The following CSMD1 variants were observed in gnomAD, a reference collection of about 807,000 sequenced individuals.
The protein encoded by CSMD1 is CUB and Sushi multiple domains 1, also known as CUB and sushi domain-containing protein 1.
A neutral mutation model predicts 417.5 loss-of-function variants in CSMD1; 213 were observed. The observed-to-expected ratio is 0.51, with a 90% CI of 0.46 to 0.57. The LOEUF is 0.57. CSMD1 is among the 20% of genes least tolerant of loss of function. The probability of loss-of-function intolerance (pLI) is 0.00; values close to 1 mark genes in which losing one functional copy is unlikely to be tolerated. For synonymous variants in CSMD1, 2,862 were observed against 1,736.8 expected, an observed-to-expected ratio of 1.65 and a Z score of -16.11; for missense variants, 6,923 against 4,529.7, an observed-to-expected ratio of 1.53 and a Z score of -15.17.
At chr8:3,674,189 G>C (rs189049640) in intron 7 of CSMD1, among the ~76,000 whole-genome samples, 7 of 152,226 alleles carry the variant, frequency 4.6e-5, no homozygotes, top group East Asian at 3.9e-4. Context: ...GAAAATACAA[G>C]ACCCTGAGTT....
In CSMD1 at chr8:3,813,030, G is replaced by A. The variant is rs11784789; in HGVS notation, c.819-58988C>T. On this transcript the variant is annotated intron_variant, in intron 5 of 69. Coordinates refer to ENST00000635120, the MANE Select transcript of CSMD1 (RefSeq NM_033225.6). Reference sequence around the variant, plus strand: ...GATTACTTAATGGTATATTGTGACAGCATTTAAAAATTGAGTGTTGTATAA... The same window carrying A: ...GATTACTTAATGGTATATTGTGACAACATTTAAAAATTGAGTGTTGTATAA... Among the ~76,000 whole-genome samples the A allele has an allele frequency of 6.4e-3, 964 of 151,240 alleles. 10 individuals are homozygous for A. Among genetic ancestry groups the A allele is most frequent in the South Asian group, 0.035 (166 of 4,782 alleles).
intron 3 of CSMD1, among the ~76,000 whole-genome samples, chr8:4,178,155 G>C (rs144433822): frequency 1.1e-4 from 17 of 152,236 alleles, no homozygotes; most frequent in Middle Eastern, 3.4e-3. Context: ...CAATATCCTT[G>C]ATGCAGATTG....
Position 3,944,520 on chromosome 8 carries a change from T to A in CSMD1, c.818+53383A>T, listed in dbSNP as rs557751277. Among the ~76,000 whole-genome samples the A allele has an allele frequency of 3.3e-5, 5 of 152,244 alleles. No homozygotes were observed. In the South Asian group the frequency reaches 1.0e-3, roughly 32 times the overall value. On this transcript the variant is annotated intron_variant, in intron 5 of 69. Coordinates refer to ENST00000635120, the MANE Select transcript of CSMD1 (RefSeq NM_033225.6). ...TTTAACCTTTAGATTAGGCAGAGTT[T>A]GAGTTTTAATTACCACACATATATT... is the stretch of plus-strand genomic sequence containing the variant.
intron 2 of CSMD1, among the ~76,000 whole-genome samples, chr8:4,557,585 T>A (rs1798151135): frequency 8.1e-6 from 1 of 123,158 alleles, no homozygotes; most frequent in South Asian, 2.2e-4. Context: ...ATACTTAAAA[T>A]GTGTGTGTGT....
In CSMD1 at chr8:3,162,276, A is replaced by G. The variant is rs1487184989; in HGVS notation, c.5727T>C (p.Thr1909=). Reference sequence around the variant, plus strand: ...GTTCTTGGCATGCAGCAAGACCTACAGCTAGAAATGCAAAGACAAATGCTA... The same window carrying G: ...GTTCTTGGCATGCAGCAAGACCTACGGCTAGAAATGCAAAGACAAATGCTA... ...AAAGFHLEYK[T]VGLAACQEPA... is the part of the protein sequence containing the mutation. Residue 1909 remains threonine (T), a splice_region_variant and synonymous_variant, in exon 38 of 70, where the codon ACT becomes ACC. Coordinates refer to ENST00000635120, the MANE Select transcript of CSMD1 (RefSeq NM_033225.6). 2 of 1,591,308 alleles carry G rather than the reference A, an allele frequency of 1.3e-6. No homozygotes were observed. The highest frequency in any genetic ancestry group is 1.7e-6 in the Non-Finnish European group (2 of 1,163,802).
chr8:3,841,151 C>A (rs985066170), intron 5 of CSMD1, among the ~76,000 whole-genome samples: 3 of 151,928 alleles, frequency 2.0e-5, no homozygotes, highest in South Asian at 4.2e-4. Context: ...GGGTACTCAT[C>A]GATAAAATGG....
intron 3 of CSMD1, among the ~76,000 whole-genome samples, chr8:4,286,801 G>C (rs1797081855): frequency 6.6e-6 from 1 of 152,138 alleles, no homozygotes; most frequent in Admixed American, 6.6e-5. Context: ...ATGTTTCCTA[G>C]AAAACCAAAA....
intron 2 of CSMD1, among the ~76,000 whole-genome samples, chr8:4,467,477 C>T (rs1232266255): frequency 6.6e-6 from 1 of 152,204 alleles, no homozygotes; most frequent in Non-Finnish European, 1.5e-5. Context: ...TTGTGCCACC[C>T]ATGAGTGGCC....
At chr8:4,248,873 C>T (rs561137643) in intron 3 of CSMD1, among the ~76,000 whole-genome samples, 3 of 150,922 alleles carry the variant, frequency 2.0e-5, no homozygotes, top group East Asian at 4.2e-4. Context: ...AGTCACTCAA[C>T]AGTTTTCTGT....
intron 2 of CSMD1, among the ~76,000 whole-genome samples, chr8:4,488,703 G>A (rs1262580593): frequency 1.3e-5 from 2 of 151,876 alleles, no homozygotes; most frequent in African/African-American, 2.4e-5. Flanking sequence ...TGAAAAGTGT[G>A]GATATGTGGC....
chr8:3,503,495 G>A (rs1563100745), intron 10 of CSMD1, among the ~76,000 whole-genome samples: 1 of 152,244 alleles, frequency 6.6e-6, no homozygotes, highest in Non-Finnish European at 1.5e-5. Context: ...CAGCTGGCAG[G>A]AAGCCAAGAA....
At chr8:3,091,821 A>T (rs2129008487) in intron 47 of CSMD1, among the ~76,000 whole-genome samples, 159 bp from the exon 48 acceptor site, 1 of 152,340 alleles carries the variant, frequency 6.6e-6, no homozygotes, top group East Asian at 1.9e-4. Context: ...ATAGTGACAG[A>T]TATATTTTCT....
Position 3,597,544 on chromosome 8 carries a change from A to C in CSMD1, c.1098-11284T>G, listed in dbSNP as rs542682402. Among the ~76,000 whole-genome samples, 8 of 152,312 alleles carry C rather than the reference A, an allele frequency of 5.3e-5. No individual in the cohort carries two copies. The South Asian group carries it at 1.7e-3, about 32-fold the overall frequency. The stretch of plus-strand genomic sequence containing the variant: ...CCACATGTTTTTCTCACCACAATGC[A>C]AGGTACTGAGGCCAAGAATTGTCAT... On this transcript the variant is annotated intron_variant, in intron 8 of 69. Transcript: ENST00000635120.
intron 4 of CSMD1, among the ~76,000 whole-genome samples, chr8:4,007,011 T>C (rs1816178646): frequency 1.3e-5 from 2 of 151,770 alleles, no homozygotes; most frequent in Admixed American, 6.6e-5. Flanking sequence ...TGTGTATGTG[T>C]GTATTTTTAG....
intron 54 of CSMD1, among the ~76,000 whole-genome samples, chr8:2,982,276 A>T (rs900949762): frequency 6.6e-6 from 1 of 152,156 alleles, no homozygotes; most frequent in African/African-American, 2.4e-5. Context: ...GAATTGCTTG[A>T]ACCCAGGATG....
chr8:4,324,658 G>C (rs956119553), intron 3 of CSMD1, among the ~76,000 whole-genome samples: 1 of 152,182 alleles, frequency 6.6e-6, no homozygotes, highest in Non-Finnish European at 1.5e-5. Flanking sequence ...ACTGCTCCTG[G>C]AAGATCCAGC....
intron 2 of CSMD1, among the ~76,000 whole-genome samples, chr8:4,619,718 A>C (rs781701103): frequency 1.7e-4 from 26 of 152,134 alleles, no homozygotes; most frequent in Non-Finnish European, 3.1e-4. Flanking sequence ...GACCTGATTT[A>C]ATAGTATGTG....
intron 3 of CSMD1, among the ~76,000 whole-genome samples, chr8:4,066,894 A>G (rs569658878): frequency 6.6e-6 from 1 of 152,366 alleles, no homozygotes; most frequent in South Asian, 2.1e-4. Flanking sequence ...AACAAACGTA[A>G]CTATAACATT....
chr8:4,089,213 T>TA (rs1272656067), intron 3 of CSMD1, among the ~76,000 whole-genome samples: 1 of 152,172 alleles, frequency 6.6e-6, no homozygotes, highest in Non-Finnish European at 1.5e-5. Flanking sequence ...TTGTATTACC[T>TA]ATAAGCTCCA....
Sources: allele counts gnomAD v4.1 joint callset (sites outside exome capture counted in the v4.1 genomes callset), GRCh38; gene constraint gnomAD v4.1.1; transcripts MANE v1.5; gene names NCBI Gene and HGNC (gene_info 2026-07-23, HGNC 2026-07-21).